ZFHX3: variants seen among roughly 807,000 people sequenced by gnomAD.
ZFHX3 encodes the protein zinc finger homeobox 3.
In ZFHX3, 42 loss-of-function variants were observed where a neutral mutation model predicts 279.1. The observed-to-expected ratio is 0.15, with a 90% CI of 0.12 to 0.19. The LOEUF (loss-of-function observed/expected upper bound fraction) is 0.19. ZFHX3 is among the 10% of genes least tolerant of loss of function. The pLI, the probability that ZFHX3 is intolerant of heterozygous loss-of-function variation, is 1.00. For missense variants in ZFHX3, 4,981 were observed against 4,754.0 expected, an observed-to-expected ratio of 1.05 and a Z score of -1.40; for synonymous variants, 2,293 against 1,957.8, an observed-to-expected ratio of 1.17 and a Z score of -4.52.
Position 72,787,579 on chromosome 16 carries a change from T to C in ZFHX3, c.10697A>G (p.Lys3566Arg). The change falls in exon 10 of 10, where the codon AAA becomes AGA. Residue 3566 changes from lysine (K) to arginine (R), a missense_variant. Physicochemically the swap from Lys to Arg is conservative, Grantham distance 26 (BLOSUM62 2). Transcript: ENST00000268489. ...RTITRAARNA[K>R]EHPSLLPHSA... is the part of the protein sequence containing the mutation. Reference sequence around the variant, plus strand: ...GTGAGGTAATAAACTAGGGTGCTCTTTGGCGTTTCTTGCTGCTCTCGTGAT... The same window carrying C: ...GTGAGGTAATAAACTAGGGTGCTCTCTGGCGTTTCTTGCTGCTCTCGTGAT... 1.2e-6 allele frequency: 2 copies of C among 1,613,936 alleles called. No individual in the cohort carries two copies. The highest frequency in any genetic ancestry group is 1.7e-6 in the Non-Finnish European group (2 of 1,179,956).
At position 73,122,574 on chromosome 16, in the gene ZFHX3, G is replaced by A. The variant is rs1221509413; in HGVS notation, c.-897+8394C>T. Among the ~76,000 whole-genome samples the A allele has an allele frequency of 3.9e-5, 6 of 152,096 alleles. No homozygotes were observed. In the East Asian group the frequency reaches 9.6e-4, roughly 24 times the overall value. On this transcript the variant is annotated intron_variant, in intron 7 of 17. Transcript: ENST00000641206. ...CCTGGAGGTCAAGTCTTTTGGCTGT[G>A]TCTCTAGGCCACCACGGGGTGCAGT...
At chr16:73,092,047 C>T (rs140926985) in intron 8 of ZFHX3, among the ~76,000 whole-genome samples, 171 of 152,296 alleles carry the variant, frequency 1.1e-3, no homozygotes, top group Middle Eastern at 3.4e-3. Flanking sequence ...ACAGAATCAA[C>T]GAATGTTTGA....
Position 73,296,034 on chromosome 16 carries a change from G to A in ZFHX3, c.-1194+22206C>T, listed in dbSNP as rs190564937. ...GCCACAGTCCATGCATCATCCCCAG[G>A]GAAATTCACAGTTCTAGCCCTTTCA... On this transcript the variant is annotated intron_variant, in intron 4 of 17. Transcript: ENST00000641206. Among the ~76,000 whole-genome samples the A allele has an allele frequency of 2.9e-3, 442 of 151,860 alleles. 6 individuals are homozygous for A. Among genetic ancestry groups the A allele is most frequent in the Admixed American group, 0.026 (392 of 15,254 alleles).
At chr16:73,734,470 G>A (rs566929611) in intron 1 of ZFHX3, among the ~76,000 whole-genome samples, 2 of 152,212 alleles carry the variant, frequency 1.3e-5, no homozygotes, top group East Asian at 3.9e-4. Flanking sequence ...GTATCACAAA[G>A]AGTTTCCCTG....
chr16:73,270,671 A>AT (rs2014118536), intron 4 of ZFHX3, among the ~76,000 whole-genome samples: 1 of 152,180 alleles, frequency 6.6e-6, no homozygotes, highest in Non-Finnish European at 1.5e-5. Context: ...GAAGGCATTC[A>AT]TGGTATATGG....
At chr16:72,802,480 T>C (rs2036135146) in intron 7 of ZFHX3, among the ~76,000 whole-genome samples, 1 of 152,190 alleles carries the variant, frequency 6.6e-6, no homozygotes, top group Admixed American at 6.5e-5. Context: ...CTGTAAGTCT[T>C]GCCCCATATG....
chr16:73,846,744 T>C (rs912413179), intron 1 of ZFHX3, among the ~76,000 whole-genome samples: 1 of 152,102 alleles, frequency 6.6e-6, no homozygotes, highest in Non-Finnish European at 1.5e-5. Flanking sequence ...AATCTTTCAA[T>C]GTTGGTGGAA....
At chr16:73,234,203 A>G (rs1289602194) in intron 5 of ZFHX3, among the ~76,000 whole-genome samples, 1 of 152,150 alleles carries the variant, frequency 6.6e-6, no homozygotes, top group African/African-American at 2.4e-5. Context: ...TCAATGCTGC[A>G]AGGCAGACAG....
chr16:73,492,683 AACCCTGGC>A (rs1173951025), intron 2 of ZFHX3, among the ~76,000 whole-genome samples: 1 of 152,170 alleles, frequency 6.6e-6, no homozygotes, highest in African/African-American at 2.4e-5. Flanking sequence ...CTCCAGCCTA[AACCCTGGC>A]ACGCATGGTT....
chr16:73,313,210 G>C (rs1372868646), intron 4 of ZFHX3, among the ~76,000 whole-genome samples: 1 of 152,160 alleles, frequency 6.6e-6, no homozygotes, highest in African/African-American at 2.4e-5. Flanking sequence ...CTTCCACCAT[G>C]ACTGTAAGTT....
At chr16:72,895,093 T>C (rs1375699613) in intron 3 of ZFHX3, among the ~76,000 whole-genome samples, 1 of 152,180 alleles carries the variant, frequency 6.6e-6, no homozygotes, top group Non-Finnish European at 1.5e-5. Flanking sequence ...GGTTTGAGTC[T>C]AAGTGTCTAC....
intron 2 of ZFHX3, among the ~76,000 whole-genome samples, chr16:73,550,145 C>T (rs1246737575): frequency 6.6e-6 from 1 of 152,080 alleles, no homozygotes; most frequent in Non-Finnish European, 1.5e-5. Flanking sequence ...AGGCCAGGTC[C>T]CCCAGGAGTA....
chr16:73,621,928 A>G (rs529245646), intron 2 of ZFHX3, among the ~76,000 whole-genome samples: 4 of 152,342 alleles, frequency 2.6e-5, no homozygotes, highest in African/African-American at 2.4e-5. Context: ...CTGCTTCAGT[A>G]AATTCTAATG....
At chr16:73,662,132 T>A (rs1260553509) in intron 2 of ZFHX3, among the ~76,000 whole-genome samples, 2 of 152,132 alleles carry the variant, frequency 1.3e-5, no homozygotes, top group Non-Finnish European at 2.9e-5. Flanking sequence ...CATTATTATG[T>A]GAAAGAGAGT....
intron 5 of ZFHX3, among the ~76,000 whole-genome samples, chr16:73,185,733 G>A (rs942774136): frequency 3.9e-5 from 6 of 152,130 alleles, no homozygotes; most frequent in South Asian, 2.1e-4. Flanking sequence ...ATAATGACAC[G>A]AGATGAAATT....
At chr16:73,022,860 G>C (rs1475102762) in intron 1 of ZFHX3, among the ~76,000 whole-genome samples, 2 of 151,988 alleles carry the variant, frequency 1.3e-5, no homozygotes, top group Non-Finnish European at 2.9e-5. Flanking sequence ...ACCCAAAATG[G>C]CCAAATCCCC....
chr16:73,460,139 C>A (rs965239652), intron 2 of ZFHX3, among the ~76,000 whole-genome samples: 1 of 152,224 alleles, frequency 6.6e-6, no homozygotes, highest in African/African-American at 2.4e-5. Flanking sequence ...CTCTCCTTAA[C>A]CCTTGGCAAC....
intron 1 of ZFHX3, among the ~76,000 whole-genome samples, chr16:72,985,726 G>A (rs1214137321): frequency 6.6e-6 from 1 of 152,160 alleles, no homozygotes; most frequent in Non-Finnish European, 1.5e-5. Flanking sequence ...TACAAGCTGT[G>A]TTGAACTCAC....
At chr16:73,002,021 C>A (rs1422144191) in intron 1 of ZFHX3, among the ~76,000 whole-genome samples, 1 of 152,088 alleles carries the variant, frequency 6.6e-6, no homozygotes, top group Non-Finnish European at 1.5e-5. Context: ...ATGACAGAGA[C>A]ACCTAACAGT....
Sources: allele counts gnomAD v4.1 joint callset (sites outside exome capture counted in the v4.1 genomes callset), GRCh38; gene constraint gnomAD v4.1.1; transcripts MANE v1.5; gene names NCBI Gene and HGNC (gene_info 2026-07-23, HGNC 2026-07-21).